NRG1: variants seen among roughly 807,000 people sequenced by gnomAD.
NRG1 encodes pro-neuregulin-1, membrane-bound isoform.
In NRG1, 18 loss-of-function variants were observed where a neutral mutation model predicts 63.8. The ratio of observed to expected loss-of-function variants is 0.28; its 90% CI spans 0.19 to 0.42. NRG1 has a LOEUF of 0.42. NRG1 is among the 10% of genes least tolerant of loss of function. The pLI, the probability that NRG1 is intolerant of heterozygous loss-of-function variation, is 1.00. For missense variants in NRG1, 762 were observed against 814.7 expected, an observed-to-expected ratio of 0.94 and a Z score of 0.79; for synonymous variants, 302 against 301.3, an observed-to-expected ratio of 1.00 and a Z score of -0.02.
At chr8:31,885,422 G>GA (rs935264570) in intron 1 of NRG1, among the ~76,000 whole-genome samples, 16 of 150,846 alleles carry the variant, frequency 1.1e-4, no homozygotes, top group African/African-American at 2.7e-4. Flanking sequence ...ACTGTTGAAA[G>GA]AAAAAAAAAT....
chr8:32,338,476 C>G (rs1385285549), intron 1 of NRG1, among the ~76,000 whole-genome samples: 1 of 152,068 alleles, frequency 6.6e-6, no homozygotes, highest in African/African-American at 2.4e-5. Flanking sequence ...GGCATTCATG[C>G]TCATTGTGAA....
chr8:32,740,393 G>T (rs377058133), intron 6 of NRG1, among the ~76,000 whole-genome samples: 3 of 151,730 alleles, frequency 2.0e-5, no homozygotes, highest in African/African-American at 7.3e-5. Context: ...ACAGGGTTTC[G>T]CCATGTTGGC....
chr8:32,349,800 T>C (rs894128186), intron 1 of NRG1, among the ~76,000 whole-genome samples: 1 of 152,194 alleles, frequency 6.6e-6, no homozygotes, highest in African/African-American at 2.4e-5. Flanking sequence ...AAAAGATCCA[T>C]CAGGGCTGCT....
chr8:32,427,840 A>G (rs1412686714), intron 1 of NRG1, among the ~76,000 whole-genome samples: 1 of 152,176 alleles, frequency 6.6e-6, no homozygotes, highest in Non-Finnish European at 1.5e-5. Context: ...ATGTTGACTA[A>G]TGTATAAATA....
intron 1 of NRG1, among the ~76,000 whole-genome samples, chr8:32,034,482 A>G (rs1053243570): frequency 2.0e-5 from 3 of 152,084 alleles, no homozygotes; most frequent in African/African-American, 4.8e-5. Flanking sequence ...GTTAGGGAGG[A>G]GTCCCTCTTT....
intron 1 of NRG1, among the ~76,000 whole-genome samples, chr8:32,230,382 A>G (rs185088688): frequency 1.7e-4 from 26 of 152,260 alleles, no homozygotes; most frequent in Non-Finnish European, 2.8e-4. Flanking sequence ...ATCAACAAGA[A>G]CATCACCTTT....
intron 1 of NRG1, among the ~76,000 whole-genome samples, chr8:32,517,131 T>C (rs1829902517): frequency 6.6e-6 from 1 of 152,192 alleles, no homozygotes; most frequent in Admixed American, 6.6e-5. Flanking sequence ...ATTTTACCTT[T>C]GTGGTTACCC....
chr8:32,305,246 A>G (rs936110667), intron 1 of NRG1, among the ~76,000 whole-genome samples: 4 of 152,186 alleles, frequency 2.6e-5, no homozygotes, highest in African/African-American at 7.2e-5. Context: ...AAAATTGATT[A>G]AAGTACTTGC....
intron 1 of NRG1, among the ~76,000 whole-genome samples, chr8:31,818,909 T>A (rs1171484064): frequency 6.6e-6 from 1 of 151,824 alleles, no homozygotes; most frequent in African/African-American, 2.4e-5. Flanking sequence ...TACAAAAAAA[T>A]AGCCGGGCGT....
chr8:31,933,218 T>A (rs147962666), intron 1 of NRG1, among the ~76,000 whole-genome samples: 222 of 152,256 alleles, frequency 1.5e-3, no homozygotes, highest in Non-Finnish European at 2.5e-3. Context: ...CTCACAATAA[T>A]GCTTTATGTA....
chr8:32,549,928 A>T (rs573766110), intron 1 of NRG1, among the ~76,000 whole-genome samples: 1 of 152,218 alleles, frequency 6.6e-6, no homozygotes, highest in African/African-American at 2.4e-5. Context: ...CCCCCAACAC[A>T]CATTTCATGA....
At chr8:31,719,245 G>C (rs750066440) in intron 1 of NRG1, among the ~76,000 whole-genome samples, 1 of 151,940 alleles carries the variant, frequency 6.6e-6, no homozygotes, top group Non-Finnish European at 1.5e-5. Context: ...ATCTCATTTG[G>C]TTGATATGTT....
chr8:31,805,530 A>G (rs1349305757), intron 1 of NRG1, among the ~76,000 whole-genome samples: 1 of 152,122 alleles, frequency 6.6e-6, no homozygotes, highest in East Asian at 1.9e-4. Flanking sequence ...TGTTTTCTTT[A>G]AAATGAAGTG....
rs554682970 is a variant in NRG1 at position 32,764,039 on chromosome 8, G to A, written c.1551G>A (p.Val517=). 6.8e-6 allele frequency: 11 copies of A among 1,614,056 alleles called. No homozygotes were observed. The South Asian group carries it at 1.2e-4, about 18-fold the overall frequency. Residue 517 remains valine (V), a synonymous_variant, in exon 12 of 12, where the codon GTG becomes GTA. Coordinates refer to ENST00000356819, the Ensembl canonical transcript of NRG1. Reference sequence around the variant, plus strand: ...TCCCTGCTAGCCCCTTGAGGATAGTGGAGGATGAGGAGTATGAAACGACCC... The same window carrying A: ...TCCCTGCTAGCCCCTTGAGGATAGTAGAGGATGAGGAGTATGAAACGACCC...
At chr8:32,614,452 G>A (rs1471133146) in intron 3 of NRG1, 62 bp from the exon 4 acceptor site, 1 of 1,527,378 alleles carries the variant, frequency 6.5e-7, no homozygotes, top group Non-Finnish European at 9.1e-7. Context: ...AAGGCAGGCT[G>A]TGGTACCTGC....
rs5890609 is a variant in NRG1, at chr8:31,957,190, GT to G, written c.37+317772del. On this transcript the variant is annotated intron_variant, in intron 1 of 10. Transcript: ENST00000519301. ...TGCACTGGCCAATTCAAATCAAAGA[GT>G]TTTTTTTTTTTTCTTGTCTTTGGCA... Among the ~76,000 whole-genome samples the G allele has an allele frequency of 9.4e-3, 1,389 of 147,958 alleles. 63 individuals carry two copies. The East Asian group carries it at 0.14, about 15-fold the overall frequency.
At chr8:32,648,579 T>A (rs1588966545) in intron 5 of NRG1, among the ~76,000 whole-genome samples, 1 of 152,128 alleles carries the variant, frequency 6.6e-6, no homozygotes, top group Non-Finnish European at 1.5e-5. Context: ...TCTGAACCAG[T>A]GTTGTAACAG....
intron 1 of NRG1, among the ~76,000 whole-genome samples, chr8:31,824,831 T>G (rs1164556658): frequency 6.6e-6 from 1 of 152,184 alleles, no homozygotes; most frequent in African/African-American, 2.4e-5. Flanking sequence ...ACAGACCATA[T>G]GTGAACATTA....
chr8:32,630,553 C>G (rs907810246), intron 5 of NRG1, among the ~76,000 whole-genome samples: 1 of 152,162 alleles, frequency 6.6e-6, no homozygotes, highest in African/African-American at 2.4e-5. Flanking sequence ...TATGTAGCCT[C>G]AGCTACTTCA....
Sources: gnomAD v4.1 joint callset for allele counts (sites outside exome capture counted in the v4.1 genomes callset) on GRCh38, gnomAD v4.1.1 for gene constraint, MANE v1.5 for transcripts, NCBI Gene and HGNC (gene_info 2026-07-23, HGNC 2026-07-21) for gene names.